The following RYR3 variants were observed in gnomAD, a reference collection of about 807,000 sequenced individuals.
RYR3 encodes the protein ryanodine receptor 3.
Under a neutral mutation model 584.3 loss-of-function variants are expected in RYR3, and 207 were observed. That is an observed-to-expected ratio of 0.35 (90% CI 0.32 to 0.40). RYR3 has a LOEUF of 0.40. RYR3 is among the 10% of genes least tolerant of loss of function. The probability of loss-of-function intolerance (pLI) is 1.00; values close to 1 mark genes in which losing one functional copy is unlikely to be tolerated. For synonymous variants in RYR3, 2,416 were observed against 2,248.5 expected, an observed-to-expected ratio of 1.07 and a Z score of -2.11; for missense variants, 5,616 against 6,089.2, an observed-to-expected ratio of 0.92 and a Z score of 2.59.
chr15:33,728,125 C>T (rs549567143), intron 46 of RYR3, among the ~76,000 whole-genome samples: 20 of 152,348 alleles, frequency 1.3e-4, no homozygotes, highest in Admixed American at 4.6e-4. Context: ...TTCTCCCTCA[C>T]TTACTTAGGT....
chr15:33,367,212 T>G (rs1975628926), intron 1 of RYR3, among the ~76,000 whole-genome samples: 1 of 152,232 alleles, frequency 6.6e-6, no homozygotes. Context: ...GTTAAATTCT[T>G]TCACATTGCA....
chr15:33,442,048 G>C (rs1431594343), intron 1 of RYR3, among the ~76,000 whole-genome samples: 2 of 152,194 alleles, frequency 1.3e-5, no homozygotes, highest in Non-Finnish European at 2.9e-5. Flanking sequence ...TTACCTATAA[G>C]ATGAAGCCAG....
intron 38 of RYR3, among the ~76,000 whole-genome samples, chr15:33,677,213 A>AG (rs1452469110): frequency 1.3e-5 from 2 of 152,198 alleles, no homozygotes; most frequent in African/African-American, 2.4e-5. Context: ...ATGCCTGGAA[A>AG]GGGGGCCATG....
intron 60 of RYR3, among the ~76,000 whole-genome samples, chr15:33,763,426 AAAAC>A (rs1311778221): frequency 2.0e-5 from 3 of 152,170 alleles, no homozygotes; most frequent in Non-Finnish European, 4.4e-5. Flanking sequence ...TTACAAAAAA[AAAAC>A]AACCCCATCA....
At chr15:33,841,036 A>C (rs2078331045) in intron 90 of RYR3, among the ~76,000 whole-genome samples, 153 bp downstream of exon 90, 1 of 151,950 alleles carries the variant, frequency 6.6e-6, no homozygotes, top group South Asian at 2.1e-4. Context: ...TGGGCAACAT[A>C]ATGAGACCCC....
intron 14 of RYR3, among the ~76,000 whole-genome samples, chr15:33,584,001 G>A (rs774571079): frequency 1.1e-4 from 16 of 142,376 alleles, no homozygotes; most frequent in African/African-American, 2.3e-4. Flanking sequence ...GCAGTGAGCC[G>A]AGATTGCACC....
chr15:33,800,934 G>T, intron 68 of RYR3, 77 bp downstream of exon 68: 1 of 1,052,932 alleles, frequency 9.5e-7, no homozygotes, highest in Non-Finnish European at 1.5e-6. Flanking sequence ...ATGAAAAAAA[G>T]CCAACAGTAA....
chr15:33,844,715 G>A (rs966819905), intron 92 of RYR3, 147 bp from the exon 93 acceptor site: 6 of 670,158 alleles, frequency 9.0e-6, no homozygotes, highest in African/African-American at 5.4e-5. Flanking sequence ...CTAGTAATAA[G>A]TCACCTAAAA....
chr15:33,702,972 G>A (rs1367874068), intron 42 of RYR3, among the ~76,000 whole-genome samples: 2 of 152,076 alleles, frequency 1.3e-5, no homozygotes, highest in Non-Finnish European at 2.9e-5. Context: ...AAGAGAGAGA[G>A]GGGTTGTCTT....
At chr15:33,441,529 ATGGTCTTATAGC>A (rs56880754) in intron 1 of RYR3, among the ~76,000 whole-genome samples, 209 of 152,240 alleles carry the variant, frequency 1.4e-3, no homozygotes, top group African/African-American at 4.9e-3. Context: ...TCATTTTCTC[ATGGTCTTATAGC>A]TGGTAGAAGT....
intron 99 of RYR3, among the ~76,000 whole-genome samples, 175 bp from the exon 100 acceptor site, chr15:33,859,400 G>T (rs116868254): frequency 6.6e-6 from 1 of 152,148 alleles, no homozygotes; most frequent in Non-Finnish European, 1.5e-5. Context: ...ATATCAAACT[G>T]TCCAGAGGGT....
Position 33,728,896 on chromosome 15 carries a change from G to A in RYR3, c.7073G>A (p.Cys2358Tyr). The change falls in exon 47 of 104, where the codon TGC (cysteine) becomes TAC (tyrosine). Residue 2358 changes from cysteine to tyrosine, a missense_variant. Coordinates refer to ENST00000634891, the MANE Select transcript of RYR3 (RefSeq NM_001036.6). ...VSEPDMAANF[C>Y]PDHKAPMVLF... ...GAGCCAGATATGGCGGCCAATTTCT[G>A]CCCTGACCACAAGGCACCTATGGTG... The A allele has an allele frequency of 1.2e-6, 2 of 1,613,380 alleles. No individual in the cohort carries two copies. The highest frequency in any genetic ancestry group is 1.7e-6 in the Non-Finnish European group (2 of 1,179,698).
chr15:33,384,081 C>T (rs1023930499), intron 1 of RYR3, among the ~76,000 whole-genome samples: 2 of 152,160 alleles, frequency 1.3e-5, no homozygotes, highest in African/African-American at 4.8e-5. Flanking sequence ...TTGTCCTGTG[C>T]ACTCTGCCCC....
chr15:33,558,123 T>A (rs972909513), intron 10 of RYR3, among the ~76,000 whole-genome samples: 1 of 152,188 alleles, frequency 6.6e-6, no homozygotes, highest in African/African-American at 2.4e-5. Flanking sequence ...ATACTTTAAG[T>A]TCTAGGGTAC....
intron 1 of RYR3, among the ~76,000 whole-genome samples, chr15:33,377,559 T>C (rs1483858474): frequency 6.6e-6 from 1 of 152,238 alleles, no homozygotes; most frequent in East Asian, 1.9e-4. Context: ...TAGAGTCCGA[T>C]AACTTTCATA....
chr15:33,798,185 C>T (rs1479834406), intron 67 of RYR3, among the ~76,000 whole-genome samples: 7 of 152,054 alleles, frequency 4.6e-5, no homozygotes, highest in Admixed American at 2.6e-4. Context: ...GCCTCCCAGG[C>T]TCAAGCGGTT....
At chr15:33,732,252 G>C (rs887743911) in intron 48 of RYR3, among the ~76,000 whole-genome samples, 3 of 151,784 alleles carry the variant, frequency 2.0e-5, no homozygotes, top group Non-Finnish European at 4.4e-5. Context: ...GCCGGGTATG[G>C]TGGCAGACGC....
At chr15:33,374,449 C>T (rs1404723315) in intron 1 of RYR3, among the ~76,000 whole-genome samples, 2 of 151,754 alleles carry the variant, frequency 1.3e-5, no homozygotes, top group Admixed American at 6.6e-5. Context: ...TAGATGTACA[C>T]GTCAGCCAGA....
chr15:33,854,536 G>T, intron 97 of RYR3, 87 bp downstream of exon 97: 1 of 1,191,318 alleles, frequency 8.4e-7, no homozygotes, highest in Non-Finnish European at 1.2e-6. Flanking sequence ...GCTCAGAAGG[G>T]TTCAGGGATT....
Sources: allele counts gnomAD v4.1 joint callset (sites outside exome capture counted in the v4.1 genomes callset), GRCh38; gene constraint gnomAD v4.1.1; transcripts MANE v1.5; gene names NCBI Gene and HGNC (gene_info 2026-07-23, HGNC 2026-07-21).